The following ATP9A variants were observed in gnomAD, a reference collection of about 807,000 sequenced individuals.
The protein encoded by ATP9A is probable phospholipid-transporting ATPase IIA.
In ATP9A, 52 loss-of-function variants were observed where a neutral mutation model predicts 144.1. The observed-to-expected ratio is 0.36, with a 90% CI of 0.29 to 0.45. ATP9A has a LOEUF of 0.45. ATP9A is among the 20% of genes least tolerant of loss of function. The pLI is 1.00. For synonymous variants in ATP9A, 582 were observed against 557.4 expected, an observed-to-expected ratio of 1.04 and a Z score of -0.62; for missense variants, 947 against 1,392.7, an observed-to-expected ratio of 0.68 and a Z score of 5.09.
At chr20:51,609,880 C>T (rs2077178356) in intron 24 of ATP9A, among the ~76,000 whole-genome samples, 1 of 152,230 alleles carries the variant, frequency 6.6e-6, no homozygotes, top group African/African-American at 2.4e-5. Context: ...ACACCACACA[C>T]ATCTCCAACT....
At position 51,652,318 on chromosome 20, in the gene ATP9A, G is replaced by A. The variant is rs79539004; in HGVS notation, c.1506+4620C>T. On this transcript the variant is annotated intron_variant, in intron 14 of 27. Transcript: ENST00000338821. Reference sequence around the variant, plus strand: ...AAAGACACTTCAAGGTTCCCCAACTGGAATGTGCACAGGAAACAAATTTAG... The same window carrying A: ...AAAGACACTTCAAGGTTCCCCAACTAGAATGTGCACAGGAAACAAATTTAG... Among the ~76,000 whole-genome samples, 12 of 152,322 alleles carry A rather than the reference G, an allele frequency of 7.9e-5. No homozygotes were observed. In the East Asian group the frequency reaches 1.9e-3, roughly 24 times the overall value.
chr20:51,656,988 T>C lies in ATP9A; in HGVS notation c.1456A>G (p.Lys486Glu), dbSNP rs1354263560. Residue 486 changes from lysine (K) to glutamate (E), a missense_variant, in exon 14 of 28, where the codon AAG becomes GAG. Transcript: ENST00000338821. ...ACGCGGCAGGAGTCTTCGTACTGCT[T>C]CTCGGCCTCAGCCTGATCAGTCACA... ...NGVTDQAEAE[K>E]QYEDSCRVYQ... 2 of 1,614,064 alleles carry C rather than the reference T, an allele frequency of 1.2e-6. No homozygotes were observed. Among genetic ancestry groups the C allele is most frequent in the Non-Finnish European group, 1.7e-6 (2 of 1,180,046 alleles).
intron 1 of ATP9A, among the ~76,000 whole-genome samples, chr20:51,758,839 C>G (rs1277094112): frequency 1.3e-5 from 2 of 152,122 alleles, no homozygotes; most frequent in Non-Finnish European, 2.9e-5. Context: ...GAAGGAGAAT[C>G]GCTTGAACTC....
chr20:51,604,182 C>G (rs1240021623), intron 27 of ATP9A, among the ~76,000 whole-genome samples: 1 of 122,144 alleles, frequency 8.2e-6, no homozygotes, highest in Non-Finnish European at 1.9e-5. Flanking sequence ...TGCTCACACT[C>G]ACTTAATGTG....
chr20:51,706,822 T>C (rs539465514), intron 4 of ATP9A, among the ~76,000 whole-genome samples: 48 of 152,280 alleles, frequency 3.2e-4, no homozygotes, highest in Admixed American at 1.3e-3. Flanking sequence ...CAGGTAGCCT[T>C]TCTTCATTTT....
At chr20:51,736,647 G>A (rs146126610) in intron 1 of ATP9A, among the ~76,000 whole-genome samples, 485 of 152,124 alleles carry the variant, frequency 3.2e-3, no homozygotes, top group African/African-American at 8.7e-3. Context: ...GAGCCACCGC[G>A]CCTGGCCCTC....
At chr20:51,754,503 C>T (rs113419495) in intron 1 of ATP9A, among the ~76,000 whole-genome samples, 30,217 of 151,510 alleles carry the variant, frequency 0.2, 3,389 homozygotes, top group Non-Finnish European at 0.25. Context: ...AACTCCATCT[C>T]GGGAAAAAAA....
intron 1 of ATP9A, among the ~76,000 whole-genome samples, chr20:51,736,842 G>A (rs762590962): frequency 6.6e-6 from 1 of 152,054 alleles, no homozygotes; most frequent in Non-Finnish European, 1.5e-5. Flanking sequence ...CAAGACTATA[G>A]AGCAGTCCAG....
intron 14 of ATP9A, among the ~76,000 whole-genome samples, chr20:51,645,765 C>T (rs2077339818): frequency 6.6e-6 from 1 of 152,172 alleles, no homozygotes; most frequent in African/African-American, 2.4e-5. Flanking sequence ...CGATTGTGGG[C>T]CAGACAAACA....
At chr20:51,617,963 T>C (rs1239968430) in intron 21 of ATP9A, among the ~76,000 whole-genome samples, 1 of 152,196 alleles carries the variant, frequency 6.6e-6, no homozygotes, top group Non-Finnish European at 1.5e-5. Flanking sequence ...CTCACGACTA[T>C]AATCTCAGCA....
chr20:51,765,516 T>C (rs1292559101), intron 1 of ATP9A, among the ~76,000 whole-genome samples: 1 of 149,500 alleles, frequency 6.7e-6, no homozygotes, highest in Non-Finnish European at 1.5e-5. Flanking sequence ...TTGCCGGGCA[T>C]GGTGCATGCC....
chr20:51,646,420 A>C (rs2077342605), intron 14 of ATP9A, among the ~76,000 whole-genome samples: 1 of 152,240 alleles, frequency 6.6e-6, no homozygotes, highest in Non-Finnish European at 1.5e-5. Context: ...ATAAATACTT[A>C]AGCTCACAAA....
chr20:51,609,395 G>A (rs940550003), intron 24 of ATP9A, among the ~76,000 whole-genome samples: 11 of 152,134 alleles, frequency 7.2e-5, no homozygotes, highest in African/African-American at 2.4e-4. Context: ...TCTCCAGAGC[G>A]CAGCTGACCT....
At chr20:51,767,019 G>C (rs1240352552) in intron 1 of ATP9A, among the ~76,000 whole-genome samples, 1 of 151,450 alleles carries the variant, frequency 6.6e-6, no homozygotes, top group African/African-American at 2.4e-5. Flanking sequence ...CTCTTCTTCG[G>C]AGGATTCAGG....
chr20:51,613,798 G>C lies in ATP9A; in HGVS notation c.2450C>G (p.Ser817Cys). The change falls in exon 23 of 28, where the codon TCC (serine) becomes TGC (cysteine). Residue 817 changes from serine (S) to cysteine (C), a missense_variant. Around this residue, in one of 2 missense-constraint regions of ATP9A, gnomAD observed 177 missense variants for 344.9 expected, o/e 0.51. Coordinates refer to ENST00000338821, the MANE Select transcript of ATP9A (RefSeq NM_006045.3). ...GKQASLAADF[S>C]ITQFKHLGRL... Reference sequence around the variant, plus strand: ...GCCAAGATGCTTAAATTGAGTGATGGAGAAGTCTGCAGCCAACGAAGCCTG... The same window carrying C: ...GCCAAGATGCTTAAATTGAGTGATGCAGAAGTCTGCAGCCAACGAAGCCTG... 1 of 1,613,832 alleles carries C rather than the reference G, an allele frequency of 6.2e-7. No individual in the cohort carries two copies. The highest frequency in any genetic ancestry group is 8.5e-7 in the Non-Finnish European group (1 of 1,179,906).
chr20:51,607,687 C>T (rs2077169072), intron 25 of ATP9A, 103 bp from the exon 26 acceptor site: 2 of 794,748 alleles, frequency 2.5e-6, no homozygotes, highest in South Asian at 3.1e-5. Flanking sequence ...TAAGGCAACC[C>T]ATCTGTCTTC....
At chr20:51,735,912 G>T (rs771967883) in intron 1 of ATP9A, among the ~76,000 whole-genome samples, 5 of 152,192 alleles carry the variant, frequency 3.3e-5, no homozygotes, top group Non-Finnish European at 7.3e-5. Context: ...ATTCAGTAGC[G>T]AACAGGACAG....
At chr20:51,711,858 T>A (rs1469627609) in intron 4 of ATP9A, among the ~76,000 whole-genome samples, 1 of 115,010 alleles carries the variant, frequency 8.7e-6, no homozygotes, top group Non-Finnish European at 1.9e-5. Context: ...TTCAATTTTT[T>A]TTTTTTTTTT....
At position 51,681,729 on chromosome 20, in the gene ATP9A, G is replaced by A. The variant is rs568668078; in HGVS notation, c.800-5521C>T. Among the ~76,000 whole-genome samples, 12 of 152,078 alleles carry A rather than the reference G, an allele frequency of 7.9e-5. No homozygotes were observed. The South Asian group carries it at 2.3e-3, about 29-fold the overall frequency. On this transcript the variant is annotated intron_variant, in intron 9 of 27. Transcript: ENST00000338821. ...GAGCCACCGCGCCCAGCCTCCATCC[G>A]AAACTTCTAATAAACTATAAATCCC...
Sources: allele counts gnomAD v4.1 joint callset (sites outside exome capture counted in the v4.1 genomes callset), GRCh38; gene constraint gnomAD v4.1.1; regional missense constraint gnomAD v4.1.1; transcripts MANE v1.5; gene names NCBI Gene and HGNC (gene_info 2026-07-23, HGNC 2026-07-21).